Variants in TTN observed in about 807,000 individuals in gnomAD.
TTN encodes connectin.
A neutral mutation model predicts 3,223.0 loss-of-function variants in TTN; 1,525 were observed. That is an observed-to-expected ratio of 0.47 (90% CI 0.45 to 0.49). TTN has a LOEUF of 0.49. Ranked by LOEUF, TTN falls within the 20% of genes least tolerant of loss-of-function variation. The pLI is 0.00. For missense variants in TTN, 40,786 were observed against 43,424.0 expected, an observed-to-expected ratio of 0.94 and a Z score of 5.40; for synonymous variants, 14,094 against 15,161.0, an observed-to-expected ratio of 0.93 and a Z score of 5.17.
rs1355094541 is a variant in TTN at position 178,757,640 on chromosome 2, A to G, written c.10580T>C (p.Val3527Ala). Residue 3527 changes from valine (V) to alanine (A), a missense_variant, in exon 45 of 363, where the codon GTT (valine) becomes GCT (alanine). By Grantham distance (64) the Val-to-Ala change is moderately conservative. Coordinates refer to ENST00000589042, the MANE Select transcript of TTN (RefSeq NM_001267550.2). ...ESTGMALMLI[V>A]DAYSEHAGQY... is the part of the protein sequence containing the mutation. ...CCCAGCATGCTCTGAGTAAGCATCA[A>G]CTATAAGCATTAAAGCCATGCCTGT... 1 of 1,613,736 alleles carries G rather than the reference A, an allele frequency of 6.2e-7. No individual in the cohort carries two copies. Among genetic ancestry groups the G allele is most frequent in the East Asian group, 2.2e-5 (1 of 44,876 alleles).
chr2:178,689,997 A>G, intron 121 of TTN, 101 bp from the exon 122 acceptor site: 1 of 997,564 alleles, frequency 1.0e-6, no homozygotes, highest in Non-Finnish European at 1.5e-6. Context: ...TAATGTTGTT[A>G]TGGATTATCT....
At chr2:178,715,900 A>G in intron 88 of TTN, 126 bp from the exon 89 acceptor site, 3 of 889,216 alleles carry the variant, frequency 3.4e-6, no homozygotes, top group Non-Finnish European at 4.9e-6. Flanking sequence ...TATGCAGTTC[A>G]AGGAAGAAGA....
chr2:178,580,956 A>G (rs1410388399), intron 316 of TTN: 3 of 216,850 alleles, frequency 1.4e-5, no homozygotes, highest in Non-Finnish European at 2.7e-5. Flanking sequence ...TATTCCATGA[A>G]GGTATTCTGC....
chr2:178,544,153 C>T, intron 345 of TTN, 38 bp from the exon 346 acceptor site: 1 of 1,603,440 alleles, frequency 6.2e-7, no homozygotes, highest in Non-Finnish European at 8.5e-7. Context: ...AATTCATGGA[C>T]AGGTGTGAGA....
At position 178,621,190 on chromosome 2, in the gene TTN, T is replaced by C. The variant is rs2058216765; in HGVS notation, c.45528A>G (p.Leu15176=). Residue 15176 remains leucine, a synonymous_variant, in exon 246 of 363, where the codon CTA becomes CTG. Coordinates refer to ENST00000589042, the MANE Select transcript of TTN (RefSeq NM_001267550.2). ...CTTGTAATGTGGCATCTTTCACAACTAGGACCCTCTTTTTACCATCAGCAA... is the reference window on the plus strand; with the variant it reads ...CTTGTAATGTGGCATCTTTCACAACCAGGACCCTCTTTTTACCATCAGCAA... The part of the protein sequence containing the change: ...DVIADGKKRV[L]VVKDATLQDM... 1 of 1,612,544 alleles carries C rather than the reference T, an allele frequency of 6.2e-7. No individual in the cohort carries two copies. Among genetic ancestry groups the C allele is most frequent in the Non-Finnish European group, 8.5e-7 (1 of 1,179,226 alleles).
rs2065816787 is a variant in TTN, at chr2:178,665,720, G to T, written c.35947C>A (p.Pro11983Thr). ...PMAAPLEIEI[P>T]PTKAPEAMKE... The stretch of plus-strand genomic sequence containing the variant: ...GGATGAACGATACCTTTAGTGGGAG[G>T]TATTTCAATTTCAAGGGGAGCAGCC... Residue 11983 changes from proline to threonine, a missense_variant, in exon 164 of 363, where the codon CCT (proline) becomes ACT (threonine). Coordinates refer to ENST00000589042, the MANE Select transcript of TTN (RefSeq NM_001267550.2). 1 of 1,332,632 alleles carries T rather than the reference G, an allele frequency of 7.5e-7. No individual in the cohort carries two copies. Among genetic ancestry groups the T allele is most frequent in the Non-Finnish European group, 9.5e-7 (1 of 1,047,342 alleles). The allele number at this position is 1,332,632 out of a possible 1,614,324, so 82.6% of individuals were successfully genotyped here. A position where few individuals can be genotyped will look rare whatever the true frequency, so the allele number is the denominator to read the frequency against.
chr2:178,712,666 C>G, intron 94 of TTN, 31 bp downstream of exon 94: 1 of 1,606,756 alleles, frequency 6.2e-7, no homozygotes, highest in Middle Eastern at 1.7e-4. Flanking sequence ...AATTACTAAT[C>G]GTATAAATCT....
At position 178,774,323 on chromosome 2, in the gene TTN, A is replaced by G. The variant is rs397517708; in HGVS notation, c.6941T>C (p.Ile2314Thr). ...GTTCTGACGTCCACGACGAGATGTAATTGTATATTTGCCATTGGATTTAAG... is the reference window on the plus strand; with the variant it reads ...GTTCTGACGTCCACGACGAGATGTAGTTGTATATTTGCCATTGGATTTAAG... ...VELKSNGKYTITSRRGRQNLT... is the reference protein window; with the variant it reads ...VELKSNGKYTTTSRRGRQNLT... Residue 2314 changes from isoleucine to threonine, a missense_variant, in exon 30 of 363, where the codon ATT becomes ACT. Physicochemically the swap from Ile to Thr is moderately conservative, Grantham distance 89. Coordinates refer to ENST00000589042, the MANE Select transcript of TTN (RefSeq NM_001267550.2). 1.1e-5 allele frequency: 18 copies of G among 1,613,946 alleles called. No homozygotes were observed. Among genetic ancestry groups the G allele is most frequent in the Non-Finnish European group, 1.5e-5 (18 of 1,179,990 alleles).
At chr2:178,755,763 G>A (rs1008131345) in intron 46 of TTN, among the ~76,000 whole-genome samples, 71 of 152,176 alleles carry the variant, frequency 4.7e-4, no homozygotes, top group African/African-American at 1.6e-3. Flanking sequence ...TATTTTCATG[G>A]CCCCTTTGTA....
chr2:178,526,041 C>T lies in TTN; in HGVS notation c.*971G>A, dbSNP rs1216795381. On this transcript the variant is annotated 3_prime_UTR_variant, in exon 363 of 363. Coordinates refer to ENST00000589042, the MANE Select transcript of TTN (RefSeq NM_001267550.2). ...TTTGTTGTTACTATCTCAAGGAGGTCCAACAATTATAACTAACAATTGAAT... is the reference window on the plus strand; with the variant it reads ...TTTGTTGTTACTATCTCAAGGAGGTTCAACAATTATAACTAACAATTGAAT... 6.6e-6 allele frequency: 1 copy of T among 152,560 alleles called. No individual in the cohort carries two copies. The highest frequency in any genetic ancestry group is 1.5e-5 in the Non-Finnish European group (1 of 68,030). 9.5% of individuals were successfully genotyped at this position (152,560 alleles called of 1,614,324 possible). A position where few individuals can be genotyped will look rare whatever the true frequency, so the allele number is the denominator to read the frequency against.
rs1445982702 is a variant in TTN, at chr2:178,785,961, G to A, written c.2257C>T (p.Pro753Ser). 6.2e-7 allele frequency: 1 copy of A among 1,614,160 alleles called. No individual in the cohort carries two copies. Among genetic ancestry groups the A allele is most frequent in the Non-Finnish European group, 8.5e-7 (1 of 1,180,020 alleles). The change falls in exon 14 of 363, where the codon CCA (proline) becomes TCA (serine). Residue 753 changes from proline to serine, a missense_variant. Transcript: ENST00000589042. ...AAKVAEPPQR[P>S]ASEPHVVPKA... ...GGGACAACGTGGGGTTCTGAGGCTG[G>A]ACGTTGGGGAGGCTCAGCTACCTTT...
At chr2:178,604,431 A>T (rs1157691430) in intron 281 of TTN, 126 bp from the exon 282 acceptor site, 70 of 830,650 alleles carry the variant, frequency 8.4e-5, no homozygotes, top group Non-Finnish European at 1.1e-4. Context: ...GACTCAAAAC[A>T]TGGGAAGACA....
In TTN at chr2:178,712,101, T is replaced by C. The variant is rs2154295838; in HGVS notation, c.27729A>G (p.Thr9243=). 6.2e-7 allele frequency: 1 copy of C among 1,613,802 alleles called. No homozygotes were observed. The highest frequency in any genetic ancestry group is 1.3e-5 in the African/African-American group (1 of 75,038). ...EIGVSWYKGD[T]KLRPTTTYKM... Reference sequence around the variant, plus strand: ...TGTAAGTCGTAGTGGGTCTCAATTTTGTATCTCCTTTATACCAGGATACCC... The same window carrying C: ...TGTAAGTCGTAGTGGGTCTCAATTTCGTATCTCCTTTATACCAGGATACCC... The change falls in exon 96 of 363, where the codon ACA becomes ACG. Residue 9243 remains threonine (T), a synonymous_variant. Coordinates refer to ENST00000589042, the MANE Select transcript of TTN (RefSeq NM_001267550.2).
intron 20 of TTN, 60 bp downstream of exon 20, chr2:178,782,152 T>C (rs2092837661): frequency 1.3e-6 from 2 of 1,594,578 alleles, no homozygotes; most frequent in Admixed American, 1.7e-5. Context: ...AATTCTACTC[T>C]AGGCTTCATG....
chr2:178,702,731 C>T, intron 106 of TTN, 68 bp from the exon 107 acceptor site: 1 of 1,429,548 alleles, frequency 7.0e-7, no homozygotes, highest in Non-Finnish European at 9.4e-7. Context: ...TTGCTTTTAC[C>T]TCAGATACTT....
Position 178,594,179 on chromosome 2 carries a change from G to A in TTN, c.58214C>T (p.Ala19405Val). 1 of 1,613,322 alleles carries A rather than the reference G, an allele frequency of 6.2e-7. No individual in the cohort carries two copies. Among genetic ancestry groups the A allele is most frequent in the Non-Finnish European group, 8.5e-7 (1 of 1,179,592 alleles). The change falls in exon 297 of 363, where the codon GCC (alanine) becomes GTC (valine). Residue 19405 changes from alanine to valine, a missense_variant. Transcript: ENST00000589042. ...TTTGCCTGAGTAACGGCCAGTGAGG[G>A]CAAAAGCTTCACCAACTCGAATCGT... ...KLTIRVGEAFALTGRYSGKPK... is the reference protein window; with the variant it reads ...KLTIRVGEAFVLTGRYSGKPK...
chr2:178,683,044 C>T, intron 134 of TTN, 141 bp from the exon 135 acceptor site: 1 of 1,007,060 alleles, frequency 9.9e-7, no homozygotes, highest in Non-Finnish European at 1.5e-6. Context: ...TCTTTTTTGG[C>T]CAGTCAAGGT....
intron 315 of TTN, 40 bp downstream of exon 315, chr2:178,581,862 GCTGC>G (rs1479181724): frequency 4.4e-6 from 7 of 1,605,014 alleles, no homozygotes; most frequent in Non-Finnish European, 5.9e-6. Context: ...GGTGTTTAAT[GCTGC>G]TTTTAACACA....
In TTN at chr2:178,771,452, T is replaced by G; in HGVS notation, c.7875A>C (p.Pro2625=). 6.2e-7 allele frequency: 1 copy of G among 1,613,944 alleles called. No homozygotes were observed. The highest frequency in any genetic ancestry group is 8.5e-7 in the Non-Finnish European group (1 of 1,179,834). The change falls in exon 34 of 363, where the codon CCA becomes CCC. Residue 2625 remains proline (P), a synonymous_variant. Coordinates refer to ENST00000589042, the MANE Select transcript of TTN (RefSeq NM_001267550.2). ...LTVAGGAISK[P]LTDQTVAESQ... The stretch of plus-strand genomic sequence containing the variant: ...ATTCAGCTACGGTCTGATCTGTGAG[T>G]GGCTTGGAGATGGCCCCACCTTTGG...
Sources: gnomAD v4.1 joint callset for allele counts (sites outside exome capture counted in the v4.1 genomes callset) on GRCh38, gnomAD v4.1.1 for gene constraint, MANE v1.5 for transcripts, NCBI Gene and HGNC (gene_info 2026-07-23, HGNC 2026-07-21) for gene names.